The following SNCAIP variants were observed in gnomAD, a reference collection of about 807,000 sequenced individuals.
SNCAIP encodes synphilin-1.
In SNCAIP, 43 loss-of-function variants were observed where a neutral mutation model predicts 86.7. That is an observed-to-expected ratio of 0.50 (90% CI 0.39 to 0.64). SNCAIP has a LOEUF of 0.64. SNCAIP is among the 30% of genes least tolerant of loss of function. The probability of loss-of-function intolerance (pLI) is 0.00; values close to 1 mark genes in which losing one functional copy is unlikely to be tolerated. For missense variants in SNCAIP, 981 were observed against 1,103.1 expected (o/e 0.89, Z 1.57); for synonymous variants, 417 against 427.2 (o/e 0.98, Z 0.29).
At chr5:122,350,878 A>G (rs185400918) in intron 1 of SNCAIP, among the ~76,000 whole-genome samples, 1 of 152,310 alleles carries the variant, frequency 6.6e-6, no homozygotes, top group East Asian at 1.9e-4. Flanking sequence ...ATTTCTTTGG[A>G]AGGAGGCTTA....
At chr5:122,404,092 T>C (rs1772447047) in intron 3 of SNCAIP, among the ~76,000 whole-genome samples, 1 of 152,128 alleles carries the variant, frequency 6.6e-6, no homozygotes, top group African/African-American at 2.4e-5. Flanking sequence ...CTCAGCTGTA[T>C]ACAGATAAAT....
chr5:122,461,195 T>C (rs1476656540), intron 10 of SNCAIP, among the ~76,000 whole-genome samples: 2 of 152,224 alleles, frequency 1.3e-5, no homozygotes, highest in Non-Finnish European at 2.9e-5. Flanking sequence ...CATTTTCTTT[T>C]GCTTCTAATG....
intron 1 of SNCAIP, among the ~76,000 whole-genome samples, chr5:122,350,551 G>C (rs1759559150): frequency 6.6e-6 from 1 of 151,580 alleles, no homozygotes; most frequent in Non-Finnish European, 1.5e-5. Context: ...GATTACTGGG[G>C]AAGTCTTATA....
Position 122,463,582 on chromosome 5 carries a change from T to C in SNCAIP, c.*86T>C. On this transcript the variant is annotated 3_prime_UTR_variant, in exon 11 of 11. Coordinates refer to ENST00000261368, the MANE Select transcript of SNCAIP (RefSeq NM_005460.4). ...AAAAGAACTCTTCTTGTAAATCACTTTTTAAATTTTCTCTCACTGATGCCC... is the reference window on the plus strand; with the variant it reads ...AAAAGAACTCTTCTTGTAAATCACTCTTTAAATTTTCTCTCACTGATGCCC... 6.6e-7 allele frequency: 1 copy of C among 1,526,026 alleles called. No individual in the cohort carries two copies. Among genetic ancestry groups the C allele is most frequent in the Non-Finnish European group, 9.0e-7 (1 of 1,106,724 alleles). The allele number at this position is 1,526,026 out of a possible 1,614,324, so 94.5% of individuals were successfully genotyped here.
chr5:122,362,228 T>A (rs1282619557), intron 1 of SNCAIP, among the ~76,000 whole-genome samples: 1 of 152,200 alleles, frequency 6.6e-6, no homozygotes, highest in Non-Finnish European at 1.5e-5. Flanking sequence ...GATAAAAGTG[T>A]GCCTATTTTA....
At chr5:122,434,601 T>A (rs1779018000) in intron 6 of SNCAIP, among the ~76,000 whole-genome samples, 1 of 152,146 alleles carries the variant, frequency 6.6e-6, no homozygotes, top group Admixed American at 6.5e-5. Context: ...ATGATATGCA[T>A]TTTTTATGAC....
chr5:122,380,498 A>G (rs9686605), intron 1 of SNCAIP, among the ~76,000 whole-genome samples: 16,914 of 142,040 alleles, frequency 0.12, 1,187 homozygotes, highest in South Asian at 0.18. Context: ...CCAGCTCCTG[A>G]ATTCATTAAT....
intron 3 of SNCAIP, among the ~76,000 whole-genome samples, chr5:122,411,213 G>T (rs956359678): frequency 6.6e-6 from 1 of 152,168 alleles, no homozygotes; most frequent in Non-Finnish European, 1.5e-5. Context: ...ACATCCTTTA[G>T]GCAGGGAGGG....
chr5:122,332,087 A>T (rs1432178684), intron 1 of SNCAIP, among the ~76,000 whole-genome samples: 2 of 152,238 alleles, frequency 1.3e-5, no homozygotes, highest in Non-Finnish European at 2.9e-5. Context: ...GAAAACACAT[A>T]AAAAACTTGC....
chr5:122,370,967 G>C (rs1472318492), intron 1 of SNCAIP, among the ~76,000 whole-genome samples: 4 of 152,036 alleles, frequency 2.6e-5, no homozygotes, highest in African/African-American at 9.7e-5. Flanking sequence ...AACTCAAGTG[G>C]GCTATATGCT....
rs372461580 is a variant in SNCAIP at position 122,450,665 on chromosome 5, G to A, written c.1818G>A (p.Arg606=). The change falls in exon 10 of 11, where the codon CGG becomes CGA. Residue 606 remains arginine, a synonymous_variant. Coordinates refer to ENST00000261368, the MANE Select transcript of SNCAIP (RefSeq NM_005460.4). Reference sequence around the variant, plus strand: ...TTGGAAGCCTGTCAGCCTCCAGCCGGGCTAGACCCAAAGCAAAAGATGAAG... The same window carrying A: ...TTGGAAGCCTGTCAGCCTCCAGCCGAGCTAGACCCAAAGCAAAAGATGAAG... ...QVLGSLSASS[R]ARPKAKDEDS... 4 of 1,613,974 alleles carry A rather than the reference G, an allele frequency of 2.5e-6. No individual in the cohort carries two copies. In the South Asian group the frequency reaches 3.3e-5, roughly 13 times the overall value.
At chr5:122,400,962 C>A (rs1771682019) in intron 2 of SNCAIP, 1 of 1,532,320 alleles carries the variant, frequency 6.5e-7, no homozygotes, top group African/African-American at 1.4e-5. Context: ...ACTGCAAGCC[C>A]CCTCTTCACT....
chr5:122,426,123 G>A (rs531103389), intron 5 of SNCAIP, among the ~76,000 whole-genome samples: 187 of 152,304 alleles, frequency 1.2e-3, no homozygotes, highest in African/African-American at 4.3e-3. Context: ...GACTTTTATA[G>A]CACTGCAGCA....
intron 1 of SNCAIP, among the ~76,000 whole-genome samples, chr5:122,382,188 G>A (rs1033139453): frequency 6.6e-6 from 1 of 152,084 alleles, no homozygotes; most frequent in African/African-American, 2.4e-5. Flanking sequence ...CCAATCAGAC[G>A]TAGATTTGGT....
At chr5:122,437,027 T>C (rs3828578) in intron 6 of SNCAIP, 43,550 of 152,054 alleles carry the variant, frequency 0.29, 6,487 homozygotes, top group African/African-American at 0.36. Flanking sequence ...AAACAAATGA[T>C]ACAGAAATCT....
At chr5:122,361,641 G>GA (rs1163283435) in intron 1 of SNCAIP, among the ~76,000 whole-genome samples, 1 of 152,124 alleles carries the variant, frequency 6.6e-6, no homozygotes, top group African/African-American at 2.4e-5. Context: ...GGAGGCTGGA[G>GA]AATCAGGCCT....
chr5:122,359,349 T>TTTTTTTTA (rs372903978), intron 1 of SNCAIP, among the ~76,000 whole-genome samples: 18 of 142,180 alleles, frequency 1.3e-4, no homozygotes, highest in East Asian at 4.1e-4. Context: ...AGATTTTTAT[T>TTTTTTTTA]TTTATTTATT....
chr5:122,444,706 G>A lies in SNCAIP; in HGVS notation c.1566G>A (p.Val522=). The A allele has an allele frequency of 6.2e-7, 1 of 1,613,902 alleles. No individual in the cohort carries two copies. The highest frequency in any genetic ancestry group is 8.5e-7 in the Non-Finnish European group (1 of 1,179,852). The change falls in exon 8 of 11, where the codon GTG becomes GTA. Residue 522 remains valine, a synonymous_variant. Coordinates refer to ENST00000261368, the MANE Select transcript of SNCAIP (RefSeq NM_005460.4). ...CCTGCATGTCGCTGGCCTCTCAAGT[G>A]GTGAAGTTAACCAAGCAGCTAAAGG... ...VETCMSLASQ[V]VKLTKQLKEQ...
intron 10 of SNCAIP, among the ~76,000 whole-genome samples, chr5:122,462,880 A>T (rs1439768991): frequency 2.6e-5 from 4 of 152,184 alleles, no homozygotes; most frequent in African/African-American, 9.7e-5. Context: ...CCAAGGGAAA[A>T]TTTATTTGAA....
Sources: gnomAD v4.1 joint callset for allele counts (sites outside exome capture counted in the v4.1 genomes callset) on GRCh38, gnomAD v4.1.1 for gene constraint, MANE v1.5 for transcripts, NCBI Gene and HGNC (gene_info 2026-07-23, HGNC 2026-07-21) for gene names.